GEMIN4: variants seen among roughly 807,000 people sequenced by gnomAD.
GEMIN4 encodes the protein gem nuclear organelle associated protein 4, also known as gem-associated protein 4.
Under a neutral mutation model 76.8 loss-of-function variants are expected in GEMIN4, and 59 were observed. The ratio of observed to expected loss-of-function variants is 0.77; its 90% CI spans 0.62 to 0.95. The LOEUF (loss-of-function observed/expected upper bound fraction) is 0.95, where lower values mean the gene tolerates loss of function less well. Ranked by LOEUF, GEMIN4 falls within the 40% of genes least tolerant of loss-of-function variation. GEMIN4 has a pLI of 0.00. For synonymous variants in GEMIN4, 562 were observed against 559.7 expected (o/e 1.00, Z -0.06); for missense variants, 1,311 against 1,318.9 (o/e 0.99, Z 0.09).
At position 747,563 on chromosome 17, in the gene GEMIN4, G is replaced by A; in HGVS notation, c.480C>T (p.Phe160=). ...VDTSAEDVAF[F]LDVWWEVMKH... ...TCATCACCTCCCACCAGACGTCCAGGAAGAAGGCCACGTCTTCGGCAGAAG... is the reference window on the plus strand; with the variant it reads ...TCATCACCTCCCACCAGACGTCCAGAAAGAAGGCCACGTCTTCGGCAGAAG... Residue 160 remains phenylalanine, a synonymous_variant, in exon 2 of 2, where the codon TTC becomes TTT. Transcript: ENST00000319004. 6.2e-7 allele frequency: 1 copy of A among 1,613,934 alleles called. No homozygotes were observed.
chr17:752,071 C>G, intron 1 of GEMIN4, 62 bp downstream of exon 1: 1 of 1,120,898 alleles, frequency 8.9e-7, no homozygotes, highest in Non-Finnish European at 1.1e-6. Flanking sequence ...CGCGACGGGG[C>G]AGCACCGCTC....
At chr17:754,236 C>T (rs940173074), upstream of GEMIN4, 1 of 152,150 alleles carries the variant, frequency 6.6e-6, no homozygotes, top group Non-Finnish European at 1.5e-5. Context: ...ATGCAAGTGC[C>T]AGAGTGTCTG....
chr17:747,905 G>A lies in GEMIN4; in HGVS notation c.138C>T (p.Ile46=), dbSNP rs201009291. The A allele has an allele frequency of 4.8e-5, 77 of 1,613,928 alleles. No individual in the cohort carries two copies. In the Admixed American group the frequency reaches 9.5e-4, roughly 20 times the overall value. The part of the protein sequence containing the change: ...KSDWERVGRP[I]VEALREISSA... ...AGGAGATCTCCCTTAAGGCCTCCAC[G>A]ATGGGCCGTCCAACACGTTCCCAGT... is the stretch of plus-strand genomic sequence containing the variant. The change falls in exon 2 of 2, where the codon ATC becomes ATT. Residue 46 remains isoleucine, a synonymous_variant. Coordinates refer to ENST00000319004, the MANE Select transcript of GEMIN4 (RefSeq NM_015721.3).
chr17:744,691 C>T lies in GEMIN4; in HGVS notation c.*175G>A. ...ACCCAAGAAACTATTTTCTTTACACCATTATTGCCATGACTTTTTGTGGAC... is the reference window on the plus strand; with the variant it reads ...ACCCAAGAAACTATTTTCTTTACACTATTATTGCCATGACTTTTTGTGGAC... On this transcript the variant is annotated 3_prime_UTR_variant, in exon 2 of 2. Coordinates refer to ENST00000319004, the MANE Select transcript of GEMIN4 (RefSeq NM_015721.3). 5.0e-6 allele frequency: 3 copies of T among 605,894 alleles called. No individual in the cohort carries two copies. The highest frequency in any genetic ancestry group is 8.4e-6 in the Non-Finnish European group (3 of 356,912). The allele number at this position is 605,894 out of a possible 1,614,324, so 37.5% of individuals were successfully genotyped here.
chr17:750,873 G>A (rs56657939), intron 1 of GEMIN4, among the ~76,000 whole-genome samples: 31,501 of 152,102 alleles, frequency 0.21, 3,683 homozygotes, highest in Non-Finnish European at 0.27. Context: ...GTTACGCTGC[G>A]AAGGGGACCT....
chr17:748,074 T>G, intron 1 of GEMIN4, 42 bp from the exon 2 acceptor site: 1 of 1,461,730 alleles, frequency 6.8e-7, no homozygotes, highest in Non-Finnish European at 9.2e-7. Flanking sequence ...AGTGAAAATG[T>G]TTCCAGATGG....
intron 1 of GEMIN4, 70 bp from the exon 2 acceptor site, chr17:748,102 C>T: frequency 8.1e-7 from 1 of 1,227,618 alleles, no homozygotes; most frequent in Non-Finnish European, 1.1e-6. Context: ...TGTTAGTAGG[C>T]TGTCATGGTT....
chr17:745,672 A>G lies in GEMIN4; in HGVS notation c.2371T>C (p.Phe791Leu), dbSNP rs747006528. 3.5e-5 allele frequency: 56 copies of G among 1,596,632 alleles called. No homozygotes were observed. Among genetic ancestry groups the G allele is most frequent in the South Asian group, 1.0e-4 (9 of 88,880 alleles). Residue 791 changes from phenylalanine to leucine, a missense_variant, in exon 2 of 2, where the codon TTT becomes CTT. By Grantham distance (22) the Phe-to-Leu change is conservative. Coordinates refer to ENST00000319004, the MANE Select transcript of GEMIN4 (RefSeq NM_015721.3). This position sits in a 1 kb window ranked among gnomAD's most constrained non-coding sequence, Gnocchi z 4.6. ...HFKCEVPATL[F>L]EICKLSEDEW... is the part of the protein sequence containing the mutation. Reference sequence around the variant, plus strand: ...TCTTCTGAAAGCTTACAGATCTCAAAAAGTGTGGCTGGCACTTCACACTTG... The same window carrying G: ...TCTTCTGAAAGCTTACAGATCTCAAGAAGTGTGGCTGGCACTTCACACTTG...
rs1462427513 is a variant in GEMIN4 at position 745,772 on chromosome 17, G to C, written c.2271C>G (p.Ser757=). Residue 757 remains serine (S), a synonymous_variant, in exon 2 of 2, where the codon TCC becomes TCG. Transcript: ENST00000319004. This position sits in a 1 kb window ranked among gnomAD's most constrained non-coding sequence, Gnocchi z 4.6. ...FSPDVWIKSL[S]WLHRKLEQLD... is the part of the protein sequence containing the mutation. ...GCTGTTCTAACTTGCGGTGGAGCCA[G>C]GACAGGGACTTGATCCAGACATCCG... The C allele has an allele frequency of 6.2e-7, 1 of 1,611,808 alleles. No individual in the cohort carries two copies. Among genetic ancestry groups the C allele is most frequent in the South Asian group, 1.1e-5 (1 of 90,698 alleles).
chr17:746,731 C>A lies in GEMIN4; in HGVS notation c.1312G>T (p.Val438Leu), dbSNP rs751512085. The change falls in exon 2 of 2, where the codon GTA becomes TTA. Residue 438 changes from valine (V) to leucine (L), a missense_variant. Physicochemically the swap from Val to Leu is conservative, Grantham distance 32 (BLOSUM62 1). This residue lies in a region of GEMIN4 where 1,208 missense variants were observed against 1,166.9 expected (regional missense o/e 1.04). Transcript: ENST00000319004. This position sits in a 1 kb window ranked among gnomAD's most constrained non-coding sequence, Gnocchi z 4.3. ...EKKWAFSDEW[V>L]ACLGSNRALF... ...GCCCTGTTACTCCCCAGGCAGGCTA[C>A]CCACTCGTCCGAGAAGGCCCACTTC... 6.2e-7 allele frequency: 1 copy of A among 1,613,670 alleles called. No homozygotes were observed.
intron 1 of GEMIN4, among the ~76,000 whole-genome samples, chr17:751,064 C>G (rs547916817): frequency 6.6e-6 from 1 of 152,322 alleles, no homozygotes; most frequent in African/African-American, 2.4e-5. Context: ...TAGTAAGTCC[C>G]AGGGCGGTTA....
In GEMIN4 at chr17:744,859, C is replaced by G. The variant is rs761225877; in HGVS notation, c.*7G>C. On this transcript the variant is annotated 3_prime_UTR_variant, in exon 2 of 2. Coordinates refer to ENST00000319004, the MANE Select transcript of GEMIN4 (RefSeq NM_015721.3). ...CGCCATGTTGGGGCCCAGCTCCCCA[C>G]GCCAAGTCAGAAGCTGCTCATCTTC... 1 of 1,603,002 alleles carries G rather than the reference C, an allele frequency of 6.2e-7. No homozygotes were observed.
rs955241633 is a variant in GEMIN4 at position 744,718 on chromosome 17, G to C, written c.*148C>G. ...TTATTGCCATGACTTTTTGTGGACA[G>C]TTTCACATAACTGTAAAGTCCAGGC... is the stretch of plus-strand genomic sequence containing the variant. On this transcript the variant is annotated 3_prime_UTR_variant, in exon 2 of 2. Coordinates refer to ENST00000319004, the MANE Select transcript of GEMIN4 (RefSeq NM_015721.3). The C allele has an allele frequency of 1.1e-5, 8 of 754,776 alleles. No homozygotes were observed. The African/African-American group carries it at 1.2e-4, about 11-fold the overall frequency. The allele number at this position is 754,776 out of a possible 1,614,324, so 46.8% of individuals were successfully genotyped here. A position where few individuals can be genotyped will look rare whatever the true frequency, so the allele number is the denominator to read the frequency against.
rs763922214 is a variant in GEMIN4, at chr17:746,827, T to C, written c.1216A>G (p.Ile406Val). 57 of 1,613,722 alleles carry C rather than the reference T, an allele frequency of 3.5e-5. No individual in the cohort carries two copies. The highest frequency in any genetic ancestry group is 4.5e-5 in the Non-Finnish European group (53 of 1,179,858). ...TTCTGCTGGATGACGGCCATGGCAA[T>C]GGAAGCTGTGATATCCTCCAAGGCC... ...NRALEDITAS[I>V]AMAVIQQKMD... Residue 406 changes from isoleucine (I) to valine (V), a missense_variant, in exon 2 of 2, where the codon ATT becomes GTT. Coordinates refer to ENST00000319004, the MANE Select transcript of GEMIN4 (RefSeq NM_015721.3). The surrounding 1 kb of genome is among the most constrained non-coding windows in gnomAD (Gnocchi z 4.3).
chr17:744,894 G>A lies in GEMIN4; in HGVS notation c.3149C>T (p.Thr1050Ile), dbSNP rs770999881. ...EGIGPEERRQ[T>I]LLQKMSSF ...GAAGCTGCTCATCTTCTGCAACAGG[G>A]TTTGGCGCCGTTCTTCAGGGCCGAT... Residue 1050 changes from threonine to isoleucine, a missense_variant, in exon 2 of 2, where the codon ACC (threonine) becomes ATC (isoleucine). Coordinates refer to ENST00000319004, the MANE Select transcript of GEMIN4 (RefSeq NM_015721.3). The A allele has an allele frequency of 6.2e-7, 1 of 1,612,858 alleles. No homozygotes were observed. The highest frequency in any genetic ancestry group is 8.5e-7 in the Non-Finnish European group (1 of 1,179,674).
rs761985763 is a variant in GEMIN4, at chr17:745,517, A to C, written c.2526T>G (p.Asn842Lys). 9.3e-6 allele frequency: 15 copies of C among 1,611,676 alleles called. 1 individual carries two copies. In the Admixed American group the frequency reaches 1.3e-4, roughly 14 times the overall value. Residue 842 changes from asparagine to lysine, a missense_variant, in exon 2 of 2, where the codon AAT (asparagine) becomes AAG (lysine). Transcript: ENST00000319004. The surrounding 1 kb of genome is among the most constrained non-coding windows in gnomAD (Gnocchi z 4.6). ...MLSLLVVDVG[N>K]PEEVRLFSKG... ...TGCTGAACAGTCTGACCTCCTCAGG[A>C]TTGCCCACGTCCACCACCAAGAGAG... is the stretch of plus-strand genomic sequence containing the variant.
In GEMIN4 at chr17:746,373, G is replaced by A. The variant is rs371409883; in HGVS notation, c.1670C>T (p.Pro557Leu). The A allele has an allele frequency of 4.9e-5, 79 of 1,613,874 alleles. No homozygotes were observed. Among genetic ancestry groups the A allele is most frequent in the Middle Eastern group, 1.6e-4 (1 of 6,062 alleles). Residue 557 changes from proline to leucine, a missense_variant, in exon 2 of 2, where the codon CCG (proline) becomes CTG (leucine). By Grantham distance (98) the Pro-to-Leu change is moderately conservative. This residue lies in a region of GEMIN4 where 1,208 missense variants were observed against 1,166.9 expected (regional missense o/e 1.04). Transcript: ENST00000319004. This position sits in a 1 kb window ranked among gnomAD's most constrained non-coding sequence, Gnocchi z 4.3. ...ASVARLVIVH[P>L]EVTVKKMCSL... ...GCACATTTTCTTCACCGTGACTTCC[G>A]GGTGCACTATGACCAGGCGGGCCAC...
rs1974358337 is a variant in GEMIN4 at position 745,473 on chromosome 17, A to G, written c.2570T>C (p.Leu857Pro). Reference protein sequence around the residue: ...RLFSKGFLVALVQVMPWCSPQ... With the variant: ...RLFSKGFLVAPVQVMPWCSPQ... Reference sequence around the variant, plus strand: ...GCTGCACCAAGGCATGACTTGCACCAGGGCCACCAGAAAGCCTTTGCTGAA... The same window carrying G: ...GCTGCACCAAGGCATGACTTGCACCGGGGCCACCAGAAAGCCTTTGCTGAA... The change falls in exon 2 of 2, where the codon CTG becomes CCG. Residue 857 changes from leucine (L) to proline (P), a missense_variant. By Grantham distance (98) the Leu-to-Pro change is moderately conservative (BLOSUM62 -3). Around this residue, in one of 2 missense-constraint regions of GEMIN4, gnomAD observed 1,208 missense variants for 1,166.9 expected, o/e 1.04. Transcript: ENST00000319004. This position sits in a 1 kb window ranked among gnomAD's most constrained non-coding sequence, Gnocchi z 4.6. 1 of 1,612,048 alleles carries G rather than the reference A, an allele frequency of 6.2e-7. No individual in the cohort carries two copies. Among genetic ancestry groups the G allele is most frequent in the Non-Finnish European group, 8.5e-7 (1 of 1,179,862 alleles).
At position 744,912 on chromosome 17, in the gene GEMIN4, G is replaced by C. The variant is rs776806514; in HGVS notation, c.3131C>G (p.Pro1044Arg). Residue 1044 changes from proline (P) to arginine (R), a missense_variant, in exon 2 of 2, where the codon CCT becomes CGT. This residue lies in a region of GEMIN4 where 1,208 missense variants were observed against 1,166.9 expected (regional missense o/e 1.04). Coordinates refer to ENST00000319004, the MANE Select transcript of GEMIN4 (RefSeq NM_015721.3). ...CAACAGGGTTTGGCGCCGTTCTTCA[G>C]GGCCGATGCCCTCAGCAATGGACTT... ...FLKSIAEGIG[P>R]EERRQTLLQK... 6 of 1,613,456 alleles carry C rather than the reference G, an allele frequency of 3.7e-6. No homozygotes were observed. The Admixed American group carries it at 5.0e-5, about 13-fold the overall frequency.
Sources: allele counts gnomAD v4.1 joint callset (sites outside exome capture counted in the v4.1 genomes callset), GRCh38; gene constraint gnomAD v4.1.1; regional missense constraint gnomAD v4.1.1; non-coding constraint Gnocchi (gnomAD v3.1); transcripts MANE v1.5; gene names NCBI Gene and HGNC (gene_info 2026-07-23, HGNC 2026-07-21).